The following RAB12 variants were observed in gnomAD, a reference collection of about 807,000 sequenced individuals.
The protein encoded by RAB12 is ras-related protein Rab-12.
Under a neutral mutation model 28.4 loss-of-function variants are expected in RAB12, and 11 were observed. The ratio of observed to expected loss-of-function variants is 0.39; its 90% CI spans 0.24 to 0.64. The LOEUF (loss-of-function observed/expected upper bound fraction) is 0.64, where lower values mean the gene tolerates loss of function less well. RAB12 is among the 30% of genes least tolerant of loss of function. RAB12 has a pLI of 0.50. For synonymous variants in RAB12, 138 were observed against 145.3 expected (o/e 0.95, Z 0.36); for missense variants, 276 against 351.1 (o/e 0.79, Z 1.71).
chr18:8,634,639 A>G (rs1488108674), intron 3 of RAB12, among the ~76,000 whole-genome samples: 2 of 152,000 alleles, frequency 1.3e-5, no homozygotes, highest in Non-Finnish European at 1.5e-5. Context: ...TTTGTCATCA[A>G]CTGCTGCTTT....
chr18:8,635,478 G>A lies in RAB12; in HGVS notation c.715-55G>A, dbSNP rs2096018351. ...TACTGTATCGGTTTATATTTCTGCT[G>A]TCAGTATATGGCGATGCCCATCTTT... On this transcript the variant is annotated intron_variant, in intron 3 of 5. Transcript: ENST00000649141. The A allele has an allele frequency of 8.1e-6, 10 of 1,230,530 alleles. No individual in the cohort carries two copies. In the East Asian group the frequency reaches 2.4e-4, roughly 29 times the overall value. The allele number at this position is 1,230,530 out of a possible 1,614,324, so 76.2% of individuals were successfully genotyped here. A position where few individuals can be genotyped will look rare whatever the true frequency, so the allele number is the denominator to read the frequency against.
At chr18:8,615,043 G>A (rs1324201553) in intron 1 of RAB12, among the ~76,000 whole-genome samples, 1 of 152,204 alleles carries the variant, frequency 6.6e-6, no homozygotes, top group Non-Finnish European at 1.5e-5. Context: ...CCTCTAGCCT[G>A]TGTTGACATG....
rs923935127 is a variant in RAB12, at chr18:8,610,248, A to T, written c.514+295A>T. On this transcript the variant is annotated intron_variant, in intron 1 of 5. Transcript: ENST00000649141. ...CCACGGAAACTTCGGCCCTTAGCAT[A>T]CTCGCCCAAGAAAAAGCTGGGTTCG... Among the ~76,000 whole-genome samples, 8 of 151,836 alleles carry T rather than the reference A, an allele frequency of 5.3e-5. 1 individual carries two copies. Among genetic ancestry groups the T allele is most frequent in the Admixed American group, 5.2e-4 (8 of 15,250 alleles).
chr18:8,627,694 C>T (rs750267572), intron 2 of RAB12, among the ~76,000 whole-genome samples: 5 of 152,112 alleles, frequency 3.3e-5, no homozygotes, highest in Non-Finnish European at 7.4e-5. Flanking sequence ...GACTTGAAGC[C>T]GTGAAATTTG....
chr18:8,637,739 T>C (rs1230627989), intron 5 of RAB12, among the ~76,000 whole-genome samples: 1 of 152,206 alleles, frequency 6.6e-6, no homozygotes, highest in Non-Finnish European at 1.5e-5. Flanking sequence ...GCCTTACTGA[T>C]AACATAAACA....
intron 1 of RAB12, among the ~76,000 whole-genome samples, chr18:8,617,120 G>C (rs2096007122): frequency 6.6e-6 from 1 of 152,132 alleles, no homozygotes; most frequent in Non-Finnish European, 1.5e-5. Flanking sequence ...AACAAAGTGG[G>C]ATTTACACTT....
chr18:8,616,238 A>AAAAGAGTGC (rs1275560918), intron 1 of RAB12, among the ~76,000 whole-genome samples: 4 of 152,134 alleles, frequency 2.6e-5, no homozygotes, highest in African/African-American at 9.7e-5. Context: ...TAAGTGTTAG[A>AAAAGAGTGC]AAAGAGTGCC....
At chr18:8,620,769 G>A (rs1012631037) in intron 1 of RAB12, among the ~76,000 whole-genome samples, 3 of 152,084 alleles carry the variant, frequency 2.0e-5, no homozygotes, top group Non-Finnish European at 2.9e-5. Flanking sequence ...GTAGCCTGTC[G>A]GGGAGGCCAG....
Position 8,638,619 on chromosome 18 carries a change from A to G in RAB12, c.*357A>G, listed in dbSNP as rs971240452. 11 of 160,704 alleles carry G rather than the reference A, an allele frequency of 6.8e-5. No individual in the cohort carries two copies. Among genetic ancestry groups the G allele is most frequent in the Admixed American group, 1.9e-4 (3 of 15,860 alleles). The allele number at this position is 160,704 out of a possible 1,614,324, so 10.0% of individuals were successfully genotyped here. ...TGAGGACAGAAGATATTCTGATAAGAGAGAACGTGGTGCTTTGCTTACCGT... is the reference window on the plus strand; with the variant it reads ...TGAGGACAGAAGATATTCTGATAAGGGAGAACGTGGTGCTTTGCTTACCGT... On this transcript the variant is annotated 3_prime_UTR_variant, in exon 6 of 6. Coordinates refer to ENST00000649141, the MANE Select transcript of RAB12 (RefSeq NM_001025300.3).
chr18:8,633,487 T>G (rs33958447), intron 3 of RAB12, among the ~76,000 whole-genome samples, 160 bp downstream of exon 3: 20,496 of 152,176 alleles, frequency 0.13, 1,603 homozygotes, highest in African/African-American at 0.2. Flanking sequence ...TAGTCCTGTA[T>G]TGTGGATGAG....
intron 2 of RAB12, among the ~76,000 whole-genome samples, chr18:8,626,631 C>G (rs1337271656): frequency 6.6e-6 from 1 of 152,190 alleles, no homozygotes; most frequent in Non-Finnish European, 1.5e-5. Flanking sequence ...GTCCTTGACT[C>G]TGAGATAAGA....
chr18:8,617,260 A>G (rs1173113554), intron 1 of RAB12, among the ~76,000 whole-genome samples: 1 of 152,212 alleles, frequency 6.6e-6, no homozygotes, highest in Non-Finnish European at 1.5e-5. Context: ...CACTCCATAA[A>G]AAAATCCTTA....
At chr18:8,617,588 A>G (rs1268155439) in intron 1 of RAB12, among the ~76,000 whole-genome samples, 1 of 152,096 alleles carries the variant, frequency 6.6e-6, no homozygotes, top group Non-Finnish European at 1.5e-5. Flanking sequence ...GCAGGGATGG[A>G]GTCTGTCCCA....
At chr18:8,611,823 C>G (rs1024758063) in intron 1 of RAB12, among the ~76,000 whole-genome samples, 3 of 152,228 alleles carry the variant, frequency 2.0e-5, no homozygotes, top group African/African-American at 7.2e-5. Context: ...ACTCCCTACT[C>G]TGAGTGTGGT....
At chr18:8,612,727 G>A (rs1459985493) in intron 1 of RAB12, among the ~76,000 whole-genome samples, 1 of 152,196 alleles carries the variant, frequency 6.6e-6, no homozygotes, top group Non-Finnish European at 1.5e-5. Context: ...CTGGAGTGCA[G>A]TGGTACGATC....
At position 8,627,083 on chromosome 18, in the gene RAB12, TA is replaced by T. The variant is rs1186551359; in HGVS notation, c.575+2090del. 5.9e-5 allele frequency among the ~76,000 whole-genome samples: 9 copies of T among 152,330 alleles called. No individual in the cohort carries two copies. The South Asian group carries it at 1.0e-3, about 18-fold the overall frequency. On this transcript the variant is annotated intron_variant, in intron 2 of 5. Coordinates refer to ENST00000649141, the MANE Select transcript of RAB12 (RefSeq NM_001025300.3). ...TCCTTCATTATTGCTATGCAGCAGG[TA>T]AAAAGGAAGTGTTAGAATCATGATT... is the stretch of plus-strand genomic sequence containing the variant.
rs1598314636 is a variant in RAB12 at position 8,635,851 on chromosome 18, A to T, written c.804+229A>T. ...TCAGTGTATACAACATTATTATCTAACCTGACATTTTATACAGAGAAACAT... is the reference window on the plus strand; with the variant it reads ...TCAGTGTATACAACATTATTATCTATCCTGACATTTTATACAGAGAAACAT... On this transcript the variant is annotated intron_variant, in intron 4 of 5. Coordinates refer to ENST00000649141, the MANE Select transcript of RAB12 (RefSeq NM_001025300.3). 3 of 475,076 alleles carry T rather than the reference A, an allele frequency of 6.3e-6. No homozygotes were observed. The East Asian group carries it at 1.1e-4, about 17-fold the overall frequency. The allele number at this position is 475,076 out of a possible 1,614,324, so 29.4% of individuals were successfully genotyped here. A position where few individuals can be genotyped will look rare whatever the true frequency, so the allele number is the denominator to read the frequency against.
intron 1 of RAB12, among the ~76,000 whole-genome samples, chr18:8,624,044 A>G (rs7235110): frequency 0.12 from 18,744 of 152,316 alleles, 2,012 homozygotes; most frequent in African/African-American, 0.29. Flanking sequence ...TGCAGCCACC[A>G]TACCACTCAC....
At chr18:8,637,176 A>G (rs542649627) in intron 5 of RAB12, among the ~76,000 whole-genome samples, 84 of 152,026 alleles carry the variant, frequency 5.5e-4, no homozygotes, top group Non-Finnish European at 1.1e-3. Flanking sequence ...AGGCTGATGC[A>G]GGAGGATTGC....
Sources: gnomAD v4.1 joint callset for allele counts (sites outside exome capture counted in the v4.1 genomes callset) on GRCh38, gnomAD v4.1.1 for gene constraint, MANE v1.5 for transcripts, NCBI Gene and HGNC (gene_info 2026-07-23, HGNC 2026-07-21) for gene names.